The following AKAP6 variants were observed in gnomAD, a reference collection of about 807,000 sequenced individuals.
The protein encoded by AKAP6 is A-kinase anchor protein 6.
AKAP6 carries 58 observed loss-of-function variants against 188.5 expected under a neutral mutation model. That is an observed-to-expected ratio of 0.31 (90% CI 0.25 to 0.38). The LOEUF is 0.38. Among genes scored for constraint, AKAP6 ranks in the 10% least tolerant of loss-of-function variants. The pLI is 1.00. For missense variants in AKAP6, 2,710 were observed against 2,740.0 expected, an observed-to-expected ratio of 0.99 and a Z score of 0.24; for synonymous variants, 989 against 998.6, an observed-to-expected ratio of 0.99 and a Z score of 0.18.
chr14:32,597,387 C>G (rs1217341922), intron 5 of AKAP6, among the ~76,000 whole-genome samples: 1 of 152,092 alleles, frequency 6.6e-6, no homozygotes, highest in South Asian at 2.1e-4. Flanking sequence ...TATTGGTGCT[C>G]TTGGGTGATC....
chr14:32,432,524 A>G (rs913539352), intron 1 of AKAP6, among the ~76,000 whole-genome samples: 2 of 152,310 alleles, frequency 1.3e-5, no homozygotes, highest in East Asian at 3.9e-4. Flanking sequence ...ATATAACCAA[A>G]TATTAATGTA....
At chr14:32,494,150 C>T (rs1880184999) in intron 2 of AKAP6, 1 of 152,172 alleles carries the variant, frequency 6.6e-6, no homozygotes, top group African/African-American at 2.4e-5. Context: ...AGATTTGAGT[C>T]ATTCTTTCTA....
At chr14:32,620,473 A>T (rs1046450551) in intron 7 of AKAP6, among the ~76,000 whole-genome samples, 1 of 152,042 alleles carries the variant, frequency 6.6e-6, no homozygotes. Context: ...ACATTTATCG[A>T]CTTGTGTATG....
At chr14:32,624,066 C>G (rs1886918377) in intron 7 of AKAP6, among the ~76,000 whole-genome samples, 1 of 151,960 alleles carries the variant, frequency 6.6e-6, no homozygotes, top group Admixed American at 6.6e-5. Flanking sequence ...TCCTATCTAA[C>G]TATTATGATT....
chr14:32,683,645 C>A (rs1429727354), intron 8 of AKAP6, among the ~76,000 whole-genome samples: 1 of 152,158 alleles, frequency 6.6e-6, no homozygotes, highest in African/African-American at 2.4e-5. Flanking sequence ...ATCAGGAAAA[C>A]CTTCCAGAAG....
At chr14:32,404,713 A>ATATATATATATATATATATAT (rs1566485643) in intron 1 of AKAP6, among the ~76,000 whole-genome samples, 6 of 9,608 alleles carry the variant, frequency 6.2e-4, no homozygotes, top group Non-Finnish European at 1.4e-3. Flanking sequence ...TATATATATT[A>ATATATATATATATATATATAT]GTCAGAATGT....
In AKAP6 at chr14:32,823,323, C is replaced by T; in HGVS notation, c.5510C>T (p.Thr1837Ile). Residue 1837 changes from threonine to isoleucine, a missense_variant, in exon 13 of 14, where the codon ACC (threonine) becomes ATC (isoleucine). Thr to Ile is a moderately conservative substitution (Grantham distance 89). Around this residue, in one of 2 missense-constraint regions of AKAP6, gnomAD observed 2,473 missense variants for 2,426.1 expected, o/e 1.02. Coordinates refer to ENST00000280979, the MANE Select transcript of AKAP6 (RefSeq NM_004274.5). ...AAAGATATAAGTAGCAGTGAGATGA[C>T]CAATCCCTCTGATACTCTGAATATT... ...GSKDISSSEM[T>I]NPSDTLNIET... The T allele has an allele frequency of 6.2e-7, 1 of 1,613,776 alleles. No homozygotes were observed. The highest frequency in any genetic ancestry group is 8.5e-7 in the Non-Finnish European group (1 of 1,179,902).
chr14:32,491,403 A>T (rs1161255562), intron 2 of AKAP6, among the ~76,000 whole-genome samples: 1 of 152,212 alleles, frequency 6.6e-6, no homozygotes, highest in Non-Finnish European at 1.5e-5. Flanking sequence ...CAAAACAAGG[A>T]AAGATCTCTC....
chr14:32,702,508 T>C (rs74695843), intron 9 of AKAP6, among the ~76,000 whole-genome samples: 5,757 of 151,970 alleles, frequency 0.038, 185 homozygotes, highest in South Asian at 0.068. Flanking sequence ...TTTGAAACAC[T>C]GTTCATGCTG....
At chr14:32,465,761 A>G (rs1000014896) in intron 2 of AKAP6, among the ~76,000 whole-genome samples, 1 of 152,242 alleles carries the variant, frequency 6.6e-6, no homozygotes, top group African/African-American at 2.4e-5. Flanking sequence ...GAGCTTCTGC[A>G]CGCAAAAGAA....
chr14:32,592,457 C>T (rs1480652530), intron 5 of AKAP6, among the ~76,000 whole-genome samples: 1 of 152,114 alleles, frequency 6.6e-6, no homozygotes, highest in East Asian at 1.9e-4. Context: ...CAGGGCTTTT[C>T]AAGGGGAAGA....
chr14:32,529,399 A>G (rs1405439513), intron 2 of AKAP6, among the ~76,000 whole-genome samples: 1 of 152,116 alleles, frequency 6.6e-6, no homozygotes, highest in East Asian at 1.9e-4. Flanking sequence ...TTCTACATAG[A>G]CGATCATGTC....
At chr14:32,525,345 A>G (rs1279957214) in intron 2 of AKAP6, among the ~76,000 whole-genome samples, 4 of 152,222 alleles carry the variant, frequency 2.6e-5, no homozygotes, top group Non-Finnish European at 5.9e-5. Context: ...GCTTTTTAAT[A>G]ACAATTTTAT....
At chr14:32,454,418 C>G (rs1230563903) in intron 2 of AKAP6, among the ~76,000 whole-genome samples, 1 of 152,154 alleles carries the variant, frequency 6.6e-6, no homozygotes, top group East Asian at 1.9e-4. Context: ...TATAGCAAGG[C>G]TCGCAAGGTT....
At chr14:32,583,987 CCTG>C (rs1448127594) in intron 5 of AKAP6, among the ~76,000 whole-genome samples, 1 of 152,226 alleles carries the variant, frequency 6.6e-6, no homozygotes, top group African/African-American at 2.4e-5. Flanking sequence ...CACCCACTGT[CCTG>C]CGCCCACTGT....
At chr14:32,650,226 C>A (rs75172739) in intron 7 of AKAP6, among the ~76,000 whole-genome samples, 1 of 151,658 alleles carries the variant, frequency 6.6e-6, no homozygotes, top group Non-Finnish European at 1.5e-5. Flanking sequence ...CTGCTTCCCC[C>A]TAATTCACCT....
intron 1 of AKAP6, chr14:32,385,225 A>G (rs1440432776): frequency 7.9e-5 from 12 of 151,650 alleles, no homozygotes; most frequent in Non-Finnish European, 1.8e-4. Context: ...GGAAGCATTT[A>G]CTTAAATGTT....
intron 4 of AKAP6, among the ~76,000 whole-genome samples, chr14:32,574,982 G>T (rs902983940): frequency 1.3e-5 from 2 of 152,132 alleles, no homozygotes; most frequent in Admixed American, 1.3e-4. Context: ...GTACACATCT[G>T]AAGGGATCTA....
intron 9 of AKAP6, among the ~76,000 whole-genome samples, chr14:32,717,842 A>G (rs1350830683): frequency 2.0e-5 from 3 of 152,142 alleles, no homozygotes; most frequent in Admixed American, 6.6e-5. Flanking sequence ...ACCATCAGTG[A>G]GAACTCTCCT....
Sources: gnomAD v4.1 joint callset for allele counts (sites outside exome capture counted in the v4.1 genomes callset) on GRCh38, gnomAD v4.1.1 for gene constraint, gnomAD v4.1.1 regional missense constraint, MANE v1.5 for transcripts, NCBI Gene and HGNC (gene_info 2026-07-23, HGNC 2026-07-21) for gene names.